LDB2: variants seen among roughly 807,000 people sequenced by gnomAD.
The protein encoded by LDB2 is LIM domain binding 2, also known as LIM domain-binding protein 2.
Under a neutral mutation model 44.3 loss-of-function variants are expected in LDB2, and 12 were observed. The observed-to-expected ratio is 0.27, with a 90% confidence interval of 0.17 to 0.44. The LOEUF (loss-of-function observed/expected upper bound fraction) is 0.44, where lower values mean the gene tolerates loss of function less well. Ranked by LOEUF, LDB2 falls within the 20% of genes least tolerant of loss-of-function variation. The probability of loss-of-function intolerance (pLI) is 1.00; values close to 1 mark genes in which losing one functional copy is unlikely to be tolerated. For synonymous variants in LDB2, 164 were observed against 174.8 expected, an observed-to-expected ratio of 0.94 and a Z score of 0.49; for missense variants, 344 against 473.5, an observed-to-expected ratio of 0.73 and a Z score of 2.54.
Position 16,582,202 on chromosome 4 carries a change from A to C in LDB2, c.615+3720T>G, listed in dbSNP as rs570759732. On this transcript the variant is annotated intron_variant, in intron 5 of 7. Transcript: ENST00000304523. The surrounding 1 kb of genome is among the most constrained non-coding windows in gnomAD (Gnocchi z 4.8). ...TGTTTTTCTTTCTTACATTCTAGGCAGTGATCACCTTGAGGGCATAAACCT... is the reference window on the plus strand; with the variant it reads ...TGTTTTTCTTTCTTACATTCTAGGCCGTGATCACCTTGAGGGCATAAACCT... Among the ~76,000 whole-genome samples, 299 of 152,248 alleles carry C rather than the reference A, an allele frequency of 2.0e-3. 1 individual carries two copies. The highest frequency in any genetic ancestry group is 6.8e-3 in the African/African-American group (283 of 41,546).
intron 1 of LDB2, among the ~76,000 whole-genome samples, chr4:16,781,529 A>G (rs1288509723): frequency 2.6e-5 from 4 of 151,880 alleles, no homozygotes; most frequent in Non-Finnish European, 5.9e-5. Flanking sequence ...CCCCAAGTAG[A>G]TGGAGTAGAT....
intron 2 of LDB2, among the ~76,000 whole-genome samples, chr4:16,628,099 A>G (rs1001315159): frequency 2.0e-5 from 3 of 152,218 alleles, no homozygotes; most frequent in Admixed American, 2.0e-4. Flanking sequence ...AAGAGAAACG[A>G]GGCTGCATTT....
At chr4:16,566,057 C>T (rs76453725) in intron 5 of LDB2, among the ~76,000 whole-genome samples, 2,751 of 151,970 alleles carry the variant, frequency 0.018, 38 homozygotes, top group East Asian at 0.065. Flanking sequence ...ATTGGAGAAG[C>T]TATCCAAGAT....
intron 1 of LDB2, among the ~76,000 whole-genome samples, chr4:16,885,140 G>GCT (rs1721268240): frequency 6.8e-6 from 1 of 146,056 alleles, no homozygotes. Flanking sequence ...GGCAACATAG[G>GCT]GAGATACCAC....
chr4:16,520,648 G>C (rs951730214), intron 5 of LDB2, among the ~76,000 whole-genome samples: 2 of 152,186 alleles, frequency 1.3e-5, no homozygotes, highest in African/African-American at 4.8e-5. Flanking sequence ...AGGCAGAGGA[G>C]AGTGGCGGCA....
intron 1 of LDB2, among the ~76,000 whole-genome samples, chr4:16,781,996 T>A (rs1181501363): frequency 6.6e-6 from 1 of 152,176 alleles, no homozygotes; most frequent in Non-Finnish European, 1.5e-5. Flanking sequence ...ATTTCTAGAC[T>A]CCAGAACTGC....
rs1266699663 is a variant in LDB2, at chr4:16,798,839, G to T, written c.133-39579C>A. ...GCAGTGCTTATTCAGCATGACTGGGGTTTTCTTTTTATTTATTTATTTATT... is the reference window on the plus strand; with the variant it reads ...GCAGTGCTTATTCAGCATGACTGGGTTTTTCTTTTTATTTATTTATTTATT... On this transcript the variant is annotated intron_variant, in intron 1 of 7. Transcript: ENST00000304523. Among the ~76,000 whole-genome samples, 4 of 152,252 alleles carry T rather than the reference G, an allele frequency of 2.6e-5. No individual in the cohort carries two copies. In the East Asian group the frequency reaches 5.8e-4, roughly 22 times the overall value.
intron 1 of LDB2, among the ~76,000 whole-genome samples, chr4:16,853,961 T>C (rs1788807554): frequency 6.6e-6 from 1 of 151,852 alleles, no homozygotes; most frequent in Non-Finnish European, 1.5e-5. Flanking sequence ...AATAAAACAG[T>C]AGTTACCAGG....
At chr4:16,653,458 A>G (rs1299947757) in intron 2 of LDB2, among the ~76,000 whole-genome samples, 1 of 152,232 alleles carries the variant, frequency 6.6e-6, no homozygotes, top group East Asian at 1.9e-4. Context: ...AAGTTCTGAA[A>G]AAGTAAAAAT....
At chr4:16,865,699 C>T (rs1294788156) in intron 1 of LDB2, among the ~76,000 whole-genome samples, 1 of 152,182 alleles carries the variant, frequency 6.6e-6, no homozygotes, top group African/African-American at 2.4e-5. Context: ...GCTCTTTGCA[C>T]GTGGCTGTCT....
intron 2 of LDB2, among the ~76,000 whole-genome samples, chr4:16,601,553 A>G (rs1335834871): frequency 6.6e-6 from 1 of 152,166 alleles, no homozygotes; most frequent in Non-Finnish European, 1.5e-5. Flanking sequence ...AGAGAGAACT[A>G]TATAACCAAG....
chr4:16,863,528 T>C (rs1713459088), intron 1 of LDB2, among the ~76,000 whole-genome samples: 1 of 152,190 alleles, frequency 6.6e-6, no homozygotes, highest in African/African-American at 2.4e-5. Flanking sequence ...AGTTACACCC[T>C]GCTACATTTC....
chr4:16,743,357 T>C (rs1033366124), intron 2 of LDB2, among the ~76,000 whole-genome samples: 1 of 152,118 alleles, frequency 6.6e-6, no homozygotes, highest in Non-Finnish European at 1.5e-5. Flanking sequence ...GCCCTGGTGG[T>C]AGAAAGAATT....
At chr4:16,770,837 C>T (rs972018083) in intron 1 of LDB2, among the ~76,000 whole-genome samples, 4 of 152,162 alleles carry the variant, frequency 2.6e-5, no homozygotes, top group Admixed American at 1.3e-4. Context: ...TTGAAAATGA[C>T]GTGGAAAGGC....
chr4:16,819,151 A>G (rs936321725), intron 1 of LDB2, among the ~76,000 whole-genome samples: 7 of 151,536 alleles, frequency 4.6e-5, no homozygotes, highest in African/African-American at 1.7e-4. Context: ...ATACAAGTGC[A>G]TTTCTTGCTA....
chr4:16,736,127 C>A (rs1378254161), intron 2 of LDB2, among the ~76,000 whole-genome samples: 1 of 152,194 alleles, frequency 6.6e-6, no homozygotes, highest in Non-Finnish European at 1.5e-5. Flanking sequence ...CTCTCTCATG[C>A]TCCTGAAGCT....
intron 1 of LDB2, among the ~76,000 whole-genome samples, chr4:16,792,084 A>G (rs1237370806): frequency 6.6e-6 from 1 of 152,192 alleles, no homozygotes; most frequent in East Asian, 1.9e-4. Context: ...ATACCCTAAC[A>G]TGTACACACT....
intron 1 of LDB2, among the ~76,000 whole-genome samples, chr4:16,823,816 G>A (rs1264886220): frequency 6.6e-6 from 1 of 152,230 alleles, no homozygotes; most frequent in African/African-American, 2.4e-5. Flanking sequence ...AGAGAAAACT[G>A]AATTGTGCTT....
intron 2 of LDB2, among the ~76,000 whole-genome samples, chr4:16,743,654 G>C (rs1363234350): frequency 6.6e-6 from 1 of 151,934 alleles, no homozygotes; most frequent in African/African-American, 2.4e-5. Flanking sequence ...CCATGCCAGG[G>C]AGCAGTAGAA....
Sources: gnomAD v4.1 joint callset for allele counts (sites outside exome capture counted in the v4.1 genomes callset) on GRCh38, gnomAD v4.1.1 for gene constraint, Gnocchi (gnomAD v3.1) non-coding constraint, MANE v1.5 for transcripts, NCBI Gene and HGNC (gene_info 2026-07-23, HGNC 2026-07-21) for gene names.